The following SEPTIN3 variants were observed in gnomAD, a reference collection of about 807,000 sequenced individuals.
SEPTIN3 encodes the protein septin 3.
Under a neutral mutation model 45.1 loss-of-function variants are expected in SEPTIN3, and 15 were observed. The observed-to-expected ratio is 0.33, with a 90% CI of 0.22 to 0.51. SEPTIN3 has a LOEUF of 0.51. SEPTIN3 is among the 20% of genes least tolerant of loss of function. The pLI is 0.97. For synonymous variants in SEPTIN3, 148 were observed against 164.8 expected, an observed-to-expected ratio of 0.90 and a Z score of 0.78; for missense variants, 289 against 457.2, an observed-to-expected ratio of 0.63 and a Z score of 3.35.
intron 3 of SEPTIN3, among the ~76,000 whole-genome samples, chr22:41,983,377 C>T (rs1422392911): frequency 6.6e-6 from 1 of 152,260 alleles, no homozygotes; most frequent in Non-Finnish European, 1.5e-5. Context: ...GGCACCAACC[C>T]TCCTAGCTCT....
chr22:41,991,228 T>A (rs182023403), intron 7 of SEPTIN3, among the ~76,000 whole-genome samples: 1 of 152,126 alleles, frequency 6.6e-6, no homozygotes, highest in Non-Finnish European at 1.5e-5. Context: ...ATCAGGAATA[T>A]AACATGCAGG....
intron 2 of SEPTIN3, among the ~76,000 whole-genome samples, chr22:41,975,984 C>A (rs1473925172): frequency 6.6e-6 from 1 of 152,208 alleles, no homozygotes; most frequent in Non-Finnish European, 1.5e-5. Flanking sequence ...CTCTACACAC[C>A]TGTCTGGAAT....
At position 41,976,708 on chromosome 22, in the gene SEPTIN3, G is replaced by T. The variant is rs898994581; in HGVS notation, c.1504+3712G>T. ...CGCCCGCAGCGTGGACCCGGGACCA[G>T]TTCCCGCTTGCGGGCGCGGGCGCCG... On this transcript the variant is annotated intron_variant, in intron 2 of 11. Coordinates refer to ENST00000644076, the MANE Select transcript of SEPTIN3 (RefSeq NM_001363845.2). The surrounding 1 kb of genome is among the most constrained non-coding windows in gnomAD (Gnocchi z 5.8). 6.5e-6 allele frequency: 1 copy of T among 152,684 alleles called. No homozygotes were observed. The highest frequency in any genetic ancestry group is 2.4e-5 in the African/African-American group (1 of 41,402). 9.5% of individuals were successfully genotyped at this position (152,684 alleles called of 1,614,324 possible).
In SEPTIN3 at chr22:41,981,719, A is replaced by T; in HGVS notation, c.1579A>T (p.Met527Leu). 1 of 1,614,058 alleles carries T rather than the reference A, an allele frequency of 6.2e-7. No individual in the cohort carries two copies. The highest frequency in any genetic ancestry group is 8.5e-7 in the Non-Finnish European group (1 of 1,179,988). The change falls in exon 3 of 12, where the codon ATG becomes TTG. Residue 527 changes from methionine to leucine, a missense_variant. Met to Leu is a conservative substitution (Grantham distance 15). Transcript: ENST00000644076. ...GCCCAGGCCTAAGCCAGCGGTGCCC[A>T]TGAAGCCCATGAGCATCAACTCCAA... The part of the protein sequence containing the change: ...PEPRPKPAVP[M>L]KPMSINSNLL...
intron 6 of SEPTIN3, among the ~76,000 whole-genome samples, chr22:41,989,350 T>A (rs2078263847): frequency 6.6e-6 from 1 of 152,010 alleles, no homozygotes; most frequent in African/African-American, 2.4e-5. Flanking sequence ...AGAGGCAGAA[T>A]CTGCAAGGGG....
chr22:41,973,431 G>C (rs780709821), intron 2 of SEPTIN3, among the ~76,000 whole-genome samples: 1 of 151,656 alleles, frequency 6.6e-6, no homozygotes, highest in African/African-American at 2.4e-5. Flanking sequence ...TGCCCAAGGC[G>C]GGCAGATCAC....
chr22:41,970,314 C>T (rs1029084413), intron 1 of SEPTIN3, among the ~76,000 whole-genome samples: 3 of 152,130 alleles, frequency 2.0e-5, no homozygotes, highest in African/African-American at 7.2e-5. Context: ...GCTTCATCCT[C>T]GACACCTCTT....
In SEPTIN3 at chr22:41,992,862, G is replaced by T. The variant is rs937994730; in HGVS notation, c.2359+99G>T. The T allele has an allele frequency of 3.7e-6, 3 of 819,256 alleles. No individual in the cohort carries two copies. The African/African-American group carries it at 5.1e-5, about 14-fold the overall frequency. The allele number at this position is 819,256 out of a possible 1,614,324, so 50.7% of individuals were successfully genotyped here. ...GTCAAGGCACTGTCTCAGGACATAT[G>T]AAATGAATGCCAGCCAGATTCTGCC... On this transcript the variant is annotated intron_variant, in intron 9 of 11. Transcript: ENST00000644076.
intron 3 of SEPTIN3, chr22:41,985,727 C>G (rs984884125): frequency 3.0e-6 from 1 of 329,754 alleles, no homozygotes; most frequent in African/African-American, 2.1e-5. Flanking sequence ...GAGGTTGTCC[C>G]TTTTCCCAGT....
chr22:41,994,922 T>TGTGTGTGA lies in SEPTIN3; in HGVS notation c.2505+209_2505+210insTGTGTGAG, dbSNP rs747549425. 3.6e-5 allele frequency: 47 copies of TGTGTGTGA among 1,297,240 alleles called. No homozygotes were observed. The East Asian group carries it at 1.1e-3, about 30-fold the overall frequency. 80.4% of individuals were successfully genotyped at this position (1,297,240 alleles called of 1,614,324 possible). A position where few individuals can be genotyped will look rare whatever the true frequency, so the allele number is the denominator to read the frequency against. ...GTGTGTGTGTGTGTGTGTGTGTGTG[T>TGTGTGTGA]GACAGAGAGAGAGCGAGAGAGCCTG... is the stretch of plus-strand genomic sequence containing the variant. On this transcript the variant is annotated intron_variant, in intron 11 of 11. Coordinates refer to ENST00000644076, the MANE Select transcript of SEPTIN3 (RefSeq NM_001363845.2). The surrounding 1 kb of genome is among the most constrained non-coding windows in gnomAD (Gnocchi z 4.2).
At chr22:41,992,122 G>C (rs902547629) in intron 8 of SEPTIN3, among the ~76,000 whole-genome samples, 2 of 152,118 alleles carry the variant, frequency 1.3e-5, no homozygotes, top group African/African-American at 4.8e-5. Flanking sequence ...ACTCATGCCT[G>C]TATCCCAGCA....
At chr22:41,989,344 G>C (rs965086317) in intron 6 of SEPTIN3, among the ~76,000 whole-genome samples, 1 of 152,118 alleles carries the variant, frequency 6.6e-6, no homozygotes, top group Admixed American at 6.6e-5. Context: ...TTAAAGAGAG[G>C]CAGAATCTGC....
chr22:41,991,130 G>A (rs1393660501), intron 7 of SEPTIN3, among the ~76,000 whole-genome samples: 1 of 152,058 alleles, frequency 6.6e-6, no homozygotes, highest in Non-Finnish European at 1.5e-5. Flanking sequence ...GGTCCTGGAT[G>A]GTTTCCTGGA....
chr22:41,984,180 A>G (rs889791100), intron 3 of SEPTIN3, among the ~76,000 whole-genome samples: 2 of 152,152 alleles, frequency 1.3e-5, no homozygotes, highest in Non-Finnish European at 2.9e-5. Flanking sequence ...GTCTTGTCCA[A>G]TTTCCTCTCT....
In SEPTIN3 at chr22:41,986,592, C is replaced by T. The variant is rs990830564; in HGVS notation, c.1825+480C>T. On this transcript the variant is annotated intron_variant, in intron 4 of 11. Coordinates refer to ENST00000644076, the MANE Select transcript of SEPTIN3 (RefSeq NM_001363845.2). ...TCGGCTCACTGCAAGCTCCACCTCC[C>T]GGGTTCACGCCATTCTCCTGCCTCA... Among the ~76,000 whole-genome samples, 10 of 152,144 alleles carry T rather than the reference C, an allele frequency of 6.6e-5. 1 individual carries two copies. Among genetic ancestry groups the T allele is most frequent in the Non-Finnish European group, 8.8e-5 (6 of 67,992 alleles).
In SEPTIN3 at chr22:41,992,208, A is replaced by G. The variant is rs114232116; in HGVS notation, c.2260-456A>G. 2.4e-3 allele frequency among the ~76,000 whole-genome samples: 366 copies of G among 152,118 alleles called. 3 individuals are homozygous for G. The highest frequency in any genetic ancestry group is 8.4e-3 in the African/African-American group (350 of 41,480). On this transcript the variant is annotated intron_variant, in intron 8 of 11. Transcript: ENST00000644076. The stretch of plus-strand genomic sequence containing the variant: ...AGCCTGGGCAACATGGCAAAAACTT[A>G]TCTCTACAAAACCTGCAAAAATTAG...
At position 41,971,824 on chromosome 22, in the gene SEPTIN3, T is replaced by C. The variant is rs2077963144; in HGVS notation, c.332T>C (p.Leu111Ser). 1 of 399,316 alleles carries C rather than the reference T, an allele frequency of 2.5e-6. No individual in the cohort carries two copies. The highest frequency in any genetic ancestry group is 4.4e-6 in the Non-Finnish European group (1 of 226,326). The allele number at this position is 399,316 out of a possible 1,614,324, so 24.7% of individuals were successfully genotyped here. ...CCCAGGAAGCTCAGCTCCATCTCCT[T>C]GACTCTCCATCAGAACAGCCAGGCA... The part of the protein sequence containing the change: ...LVPRKLSSIS[L>S]TLHQNSQARS... Residue 111 changes from leucine (L) to serine (S), a missense_variant, in exon 2 of 12, where the codon TTG becomes TCG. Coordinates refer to ENST00000644076, the MANE Select transcript of SEPTIN3 (RefSeq NM_001363845.2).
Position 41,997,003 on chromosome 22 carries a change from C to T in SEPTIN3, c.*36C>T, listed in dbSNP as rs369384655. The T allele has an allele frequency of 6.2e-7, 1 of 1,613,742 alleles. No individual in the cohort carries two copies. Among genetic ancestry groups the T allele is most frequent in the Non-Finnish European group, 8.5e-7 (1 of 1,179,816 alleles). On this transcript the variant is annotated 3_prime_UTR_variant, in exon 12 of 12. Transcript: ENST00000644076. ...AAGCGCTGCTTCTCACTCCATTCCTCTCAGCTGTTATTGCTGCAGGGCCAA... is the reference window on the plus strand; with the variant it reads ...AAGCGCTGCTTCTCACTCCATTCCTTTCAGCTGTTATTGCTGCAGGGCCAA...
chr22:41,972,653 C>T lies in SEPTIN3; in HGVS notation c.1161C>T (p.Asp387=). The T allele has an allele frequency of 2.5e-6, 1 of 399,138 alleles. No individual in the cohort carries two copies. Among genetic ancestry groups the T allele is most frequent in the East Asian group, 3.6e-5 (1 of 28,082 alleles). 24.7% of individuals were successfully genotyped at this position (399,138 alleles called of 1,614,324 possible). A position where few individuals can be genotyped will look rare whatever the true frequency, so the allele number is the denominator to read the frequency against. The change falls in exon 2 of 12, where the codon GAC becomes GAT. Residue 387 remains aspartate, a synonymous_variant. Transcript: ENST00000644076. The part of the protein sequence containing the change: ...EGIAMDSATS[D]PVKPDTITAT... ...TAGCCATGGATTCAGCAACATCAGA[C>T]CCAGTCAAGCCGGACACAATCACAG...
Sources: gnomAD v4.1 joint callset for allele counts (sites outside exome capture counted in the v4.1 genomes callset) on GRCh38, gnomAD v4.1.1 for gene constraint, Gnocchi (gnomAD v3.1) non-coding constraint, MANE v1.5 for transcripts, NCBI Gene and HGNC (gene_info 2026-07-23, HGNC 2026-07-21) for gene names.